Variants in FMO5 observed in about 807,000 individuals in gnomAD.
The protein encoded by FMO5 is flavin-containing monooxygenase 5.
FMO5 carries 51 observed loss-of-function variants against 43.6 expected under a neutral mutation model. The observed-to-expected ratio is 1.17, with a 90% confidence interval of 0.93 to 1.48. The LOEUF is 1.48. Among genes scored for constraint, FMO5 ranks in the 40% most tolerant of loss-of-function variants. The probability of loss-of-function intolerance (pLI) is 0.00; values close to 1 mark genes in which losing one functional copy is unlikely to be tolerated. For synonymous variants in FMO5, 187 were observed against 216.5 expected (o/e 0.86, Z 1.20); for missense variants, 644 against 643.0 (o/e 1.00, Z -0.02).
intron 6 of FMO5, among the ~76,000 whole-genome samples, chr1:147,202,882 G>C (rs1316060185): frequency 6.6e-6 from 1 of 151,998 alleles, no homozygotes; most frequent in Non-Finnish European, 1.5e-5. Context: ...TGGTCACCAA[G>C]CCTTTTCCCT....
intron 2 of FMO5, among the ~76,000 whole-genome samples, chr1:147,219,202 C>T (rs1662561808): frequency 6.6e-6 from 1 of 152,114 alleles, no homozygotes; most frequent in African/African-American, 2.4e-5. Flanking sequence ...ACAAAGGGAA[C>T]TGTAAAATTA....
intron 6 of FMO5, among the ~76,000 whole-genome samples, chr1:147,205,805 T>A (rs1408579336): frequency 1.3e-5 from 2 of 152,026 alleles, no homozygotes; most frequent in Non-Finnish European, 2.9e-5. Context: ...CCTAAAACCA[T>A]AAAAACCCTA....
downstream of FMO5, chr1:147,184,510 CT>C: frequency 6.5e-7 from 1 of 1,546,440 alleles, no homozygotes; most frequent in Middle Eastern, 1.7e-4. The surrounding 1 kb of genome is among the most constrained non-coding windows in gnomAD (Gnocchi z 4.4). Context: ...CCTTAGGCCC[CT>C]TTATTCCGGG....
intron 6 of FMO5, 30 bp from the exon 7 acceptor site, chr1:147,201,534 A>G: frequency 6.4e-7 from 1 of 1,554,590 alleles, no homozygotes; most frequent in South Asian, 1.2e-5. Context: ...TCAAGTGGAG[A>G]AATGAGAGAA....
rs374358388 is a variant in FMO5, at chr1:147,208,803, A to G, written c.830+49T>C. On this transcript the variant is annotated intron_variant, in intron 6 of 8. Transcript: ENST00000254090. The stretch of plus-strand genomic sequence containing the variant: ...CTATTAGCCAGTGTGAAGAGTCCTT[A>G]TTCTTGTGCTTTGGCCACTATCCCT... The G allele has an allele frequency of 4.7e-4, 699 of 1,496,818 alleles. 9 individuals are homozygous for G. In the Middle Eastern group the frequency reaches 6.5e-3, roughly 14 times the overall value. The allele number at this position is 1,496,818 out of a possible 1,614,324, so 92.7% of individuals were successfully genotyped here. A position where few individuals can be genotyped will look rare whatever the true frequency, so the allele number is the denominator to read the frequency against.
At chr1:147,220,973 G>A (rs1029535787) in intron 2 of FMO5, among the ~76,000 whole-genome samples, 2 of 146,104 alleles carry the variant, frequency 1.4e-5, no homozygotes, top group South Asian at 4.3e-4. Context: ...TGGGTATAAT[G>A]TGGATAGTAT....
At chr1:147,193,873 A>C (rs1657410720) in intron 7 of FMO5, among the ~76,000 whole-genome samples, 1 of 152,116 alleles carries the variant, frequency 6.6e-6, no homozygotes, top group Non-Finnish European at 1.5e-5. Context: ...TCTGAGAGAC[A>C]GTTTGTTATA....
At chr1:147,192,764 G>C (rs1657127846) in intron 7 of FMO5, among the ~76,000 whole-genome samples, 1 of 152,142 alleles carries the variant, frequency 6.6e-6, no homozygotes, top group Non-Finnish European at 1.5e-5. Context: ...CATCTATTGA[G>C]ATAATCATGT....
chr1:147,198,916 T>G (rs1462256693), intron 7 of FMO5, among the ~76,000 whole-genome samples: 1 of 150,822 alleles, frequency 6.6e-6, no homozygotes, highest in Admixed American at 6.6e-5. Context: ...GTATCCAATT[T>G]GTGGAGGAAC....
At chr1:147,198,567 G>A (rs1179922508) in intron 7 of FMO5, among the ~76,000 whole-genome samples, 1 of 151,722 alleles carries the variant, frequency 6.6e-6, no homozygotes, top group Non-Finnish European at 1.5e-5. Flanking sequence ...AGATGGGCCT[G>A]AGGCCGGGTA....
intron 3 of FMO5, 126 bp downstream of exon 3, chr1:147,215,628 C>T: frequency 1.6e-6 from 1 of 627,598 alleles, no homozygotes; most frequent in East Asian, 3.0e-5. Flanking sequence ...GAGTTTTTGC[C>T]TGGGTAGGAT....
chr1:147,207,784 A>G (rs1314552654), intron 6 of FMO5, among the ~76,000 whole-genome samples: 3 of 152,090 alleles, frequency 2.0e-5, no homozygotes, highest in Non-Finnish European at 4.4e-5. Flanking sequence ...CTTACTGTAA[A>G]TCCCACCCTT....
chr1:147,213,176 G>A (rs1317129812), intron 4 of FMO5, 132 bp downstream of exon 4: 2 of 761,750 alleles, frequency 2.6e-6, no homozygotes, highest in Non-Finnish European at 3.8e-6. Flanking sequence ...CATCCTTCTG[G>A]GGAACAAGAA....
At chr1:147,204,693 A>G in intron 6 of FMO5, 6 of 1,555,466 alleles carry the variant, frequency 3.9e-6, no homozygotes, top group Non-Finnish European at 2.7e-6. Context: ...TTGCAGCAGG[A>G]TGCTGTACTT....
chr1:147,213,336 A>T lies in FMO5; in HGVS notation c.459T>A (p.Asn153Lys). Residue 153 changes from asparagine to lysine, a missense_variant, in exon 4 of 9, where the codon AAT becomes AAA. By Grantham distance (94) the Asn-to-Lys change is moderately conservative. Transcript: ENST00000254090. ...GVMVCTGHHT[N>K]AHLPLESFPG... Reference sequence around the variant, plus strand: ...GGAAGCTTTCCAGAGGTAGATGAGCATTGGTGTGATGGCCAGTGCAAACCA... The same window carrying T: ...GGAAGCTTTCCAGAGGTAGATGAGCTTTGGTGTGATGGCCAGTGCAAACCA... 6.2e-7 allele frequency: 1 copy of T among 1,612,416 alleles called. No homozygotes were observed. Among genetic ancestry groups the T allele is most frequent in the African/African-American group, 1.3e-5 (1 of 74,992 alleles).
At chr1:147,204,576 CAGA>C (rs1659628664) in intron 6 of FMO5, 4 of 1,590,554 alleles carry the variant, frequency 2.5e-6, no homozygotes, top group Non-Finnish European at 8.6e-7. Context: ...GGCCAATCCT[CAGA>C]AGTTCTTCAG....
intron 7 of FMO5, among the ~76,000 whole-genome samples, chr1:147,194,148 CT>C (rs1220921996): frequency 6.6e-6 from 1 of 152,118 alleles, no homozygotes. Flanking sequence ...GTCTAAGTCT[CT>C]TTGTAGGTCA....
Position 147,187,242 on chromosome 1 carries a change from A to G in FMO5, c.1260T>C (p.Tyr420=), listed in dbSNP as rs781820854. 5 of 1,592,834 alleles carry G rather than the reference A, an allele frequency of 3.1e-6. No homozygotes were observed. Among genetic ancestry groups the G allele is most frequent in the South Asian group, 2.3e-5 (2 of 87,420 alleles). ...SKAQEEIDKR[Y]VESQRHTIQG... ...GAATGGTATGGCGTTGGCTCTCCAC[A>G]TACCTAAAGTAGAAAAGACAGAAAC... The change falls in exon 9 of 9, where the codon TAT becomes TAC. Residue 420 remains tyrosine (Y), a synonymous_variant. Transcript: ENST00000254090.
In FMO5 at chr1:147,212,506, G is replaced by A. The variant is rs143647812; in HGVS notation, c.517C>T (p.His173Tyr). 1.1e-4 allele frequency: 176 copies of A among 1,613,722 alleles called. 1 individual carries two copies. The African/African-American group carries it at 2.1e-3, about 19-fold the overall frequency. ...TCTGGGTTCTTATAGTCTCGACTGT[G>A]GAAGTACTGCCCTTTGAACTTCTCA... The part of the protein sequence containing the change: ...GIEKFKGQYF[H>Y]SRDYKNPEGF... Residue 173 changes from histidine (H) to tyrosine (Y), a missense_variant, in exon 5 of 9, where the codon CAC becomes TAC. Coordinates refer to ENST00000254090, the MANE Select transcript of FMO5 (RefSeq NM_001461.4).
Sources: allele counts gnomAD v4.1 joint callset (sites outside exome capture counted in the v4.1 genomes callset), GRCh38; gene constraint gnomAD v4.1.1; non-coding constraint Gnocchi (gnomAD v3.1); transcripts MANE v1.5; gene names NCBI Gene and HGNC (gene_info 2026-07-23, HGNC 2026-07-21).